Variants in AGBL4 observed in about 807,000 individuals in gnomAD.
AGBL4 encodes AGBL carboxypeptidase 4, also known as cytosolic carboxypeptidase 6.
AGBL4 carries 58 observed loss-of-function variants against 66.4 expected under a neutral mutation model. That is an observed-to-expected ratio of 0.87 (90% CI 0.71 to 1.09). The LOEUF (loss-of-function observed/expected upper bound fraction) is 1.09, where lower values mean the gene tolerates loss of function less well. Ranked by LOEUF, AGBL4 falls within the 50% of genes least tolerant of loss-of-function variation. The pLI is 0.00. For synonymous variants in AGBL4, 234 were observed against 222.9 expected (o/e 1.05, Z -0.44); for missense variants, 579 against 631.0 (o/e 0.92, Z 0.88).
intron 6 of AGBL4, among the ~76,000 whole-genome samples, chr1:48,756,989 G>C (rs1643968684): frequency 1.3e-5 from 2 of 152,318 alleles, no homozygotes; most frequent in Middle Eastern, 3.4e-3. Flanking sequence ...CTATGCTTCA[G>C]GTCAAGTTTT....
downstream of AGBL4, among the ~76,000 whole-genome samples, chr1:48,532,393 G>A (rs2148247960): frequency 6.6e-6 from 1 of 152,272 alleles, no homozygotes. Context: ...TGCAGAATTA[G>A]AACCCAAAGT....
At chr1:49,243,727 T>C (rs1651417968) in intron 4 of AGBL4, among the ~76,000 whole-genome samples, 1 of 151,880 alleles carries the variant, frequency 6.6e-6, no homozygotes, top group African/African-American at 2.4e-5. Flanking sequence ...AACATCTGGC[T>C]TGAGGAAAGG....
intron 3 of AGBL4, among the ~76,000 whole-genome samples, chr1:49,409,445 A>T (rs1024746192): frequency 3.9e-5 from 6 of 152,154 alleles, no homozygotes; most frequent in Non-Finnish European, 8.8e-5. Flanking sequence ...GAAGGAAGGC[A>T]GAAACAAGGA....
intron 2 of AGBL4, chr1:49,845,737 G>A (rs945922810): frequency 1.9e-6 from 3 of 1,592,308 alleles, no homozygotes; most frequent in Non-Finnish European, 2.6e-6. Context: ...TTACACGGGA[G>A]AGAAGCCCTA....
At chr1:49,968,469 A>G (rs1657761722) in intron 1 of AGBL4, among the ~76,000 whole-genome samples, 3 of 152,314 alleles carry the variant, frequency 2.0e-5, no homozygotes, top group Middle Eastern at 3.4e-3. Flanking sequence ...TGATTTTTCC[A>G]AAAACTATCA....
chr1:49,175,719 G>C (rs1352633034), intron 4 of AGBL4, among the ~76,000 whole-genome samples: 1 of 152,126 alleles, frequency 6.6e-6, no homozygotes, highest in African/African-American at 2.4e-5. Flanking sequence ...TCCATCAACT[G>C]ACCAGGGTCT....
chr1:48,581,599 G>A (rs371674765), intron 11 of AGBL4, among the ~76,000 whole-genome samples: 2 of 152,096 alleles, frequency 1.3e-5, no homozygotes. Flanking sequence ...TTACTTGGCA[G>A]GCCAGTAAAA....
intron 6 of AGBL4, among the ~76,000 whole-genome samples, chr1:48,704,910 T>C (rs1381048414): frequency 1.1e-4 from 17 of 152,242 alleles, no homozygotes; most frequent in Admixed American, 1.1e-3. Flanking sequence ...GTCCTGCGCA[T>C]GATTGTATGT....
chr1:48,819,194 G>A (rs1397074673), intron 6 of AGBL4, among the ~76,000 whole-genome samples: 2 of 152,154 alleles, frequency 1.3e-5, no homozygotes, highest in Non-Finnish European at 2.9e-5. Flanking sequence ...AGGCAGATAA[G>A]GAGATAAAGC....
intron 1 of AGBL4, among the ~76,000 whole-genome samples, chr1:49,954,300 A>T (rs1656408267): frequency 6.6e-6 from 1 of 152,008 alleles, no homozygotes; most frequent in Non-Finnish European, 1.5e-5. Flanking sequence ...TTAGAAACTT[A>T]ATTGCCAGTA....
intron 3 of AGBL4, among the ~76,000 whole-genome samples, chr1:49,388,852 A>G (rs1468511060): frequency 6.6e-6 from 1 of 152,196 alleles, no homozygotes; most frequent in East Asian, 1.9e-4. Context: ...AAACTGCAGA[A>G]GAAATCATGG....
intron 3 of AGBL4, among the ~76,000 whole-genome samples, chr1:49,591,203 C>G (rs551651076): frequency 1.3e-5 from 2 of 151,410 alleles, no homozygotes; most frequent in East Asian, 1.9e-4. Flanking sequence ...AAATTAAATA[C>G]AGAAAAATCA....
chr1:49,671,756 G>C (rs1646480408), intron 3 of AGBL4, among the ~76,000 whole-genome samples: 2 of 152,272 alleles, frequency 1.3e-5, no homozygotes, highest in East Asian at 3.9e-4. Context: ...CTGATCATTA[G>C]AGAAATGCAA....
chr1:48,989,965 C>G (rs1376860058), intron 5 of AGBL4, among the ~76,000 whole-genome samples: 1 of 152,154 alleles, frequency 6.6e-6, no homozygotes, highest in Non-Finnish European at 1.5e-5. Context: ...AAACTGTTCT[C>G]CATAGTGGTT....
At chr1:49,923,237 A>C (rs1012758718) in intron 1 of AGBL4, among the ~76,000 whole-genome samples, 2 of 152,218 alleles carry the variant, frequency 1.3e-5, no homozygotes, top group Non-Finnish European at 2.9e-5. Flanking sequence ...TGTTCAATAA[A>C]TGGTGCCGGG....
intron 5 of AGBL4, among the ~76,000 whole-genome samples, chr1:48,986,861 T>C (rs752409992): frequency 1.3e-5 from 2 of 152,090 alleles, no homozygotes; most frequent in Non-Finnish European, 2.9e-5. Context: ...GAAAATATAT[T>C]GATATAAGGT....
chr1:49,208,940 A>G (rs1169242534), intron 4 of AGBL4, among the ~76,000 whole-genome samples: 1 of 152,036 alleles, frequency 6.6e-6, no homozygotes, highest in Non-Finnish European at 1.5e-5. Flanking sequence ...TTTTCCAAGA[A>G]AACCAGATGA....
At chr1:48,837,127 A>G (rs1363010308) in intron 6 of AGBL4, among the ~76,000 whole-genome samples, 3 of 151,390 alleles carry the variant, frequency 2.0e-5, no homozygotes, top group Admixed American at 2.0e-4. Flanking sequence ...AGGAAAATCA[A>G]TAGGATAGTG....
intron 3 of AGBL4, among the ~76,000 whole-genome samples, chr1:49,398,322 CCTCTCTCTCTTTCT>C (rs1328358919): frequency 7.9e-6 from 1 of 126,012 alleles, no homozygotes; most frequent in Non-Finnish European, 1.7e-5. Context: ...TCTCTCTCTC[CCTCTCTCTCTTTCT>C]CTCTCTCTCT....
Sources: allele counts gnomAD v4.1 joint callset (sites outside exome capture counted in the v4.1 genomes callset), GRCh38; gene constraint gnomAD v4.1.1; transcripts MANE v1.5; gene names NCBI Gene and HGNC (gene_info 2026-07-23, HGNC 2026-07-21).